The following BAZ2A variants were observed in gnomAD, a reference collection of about 807,000 sequenced individuals.
BAZ2A encodes bromodomain adjacent to zinc finger domain protein 2A.
In BAZ2A, 34 loss-of-function variants were observed where a neutral mutation model predicts 199.9. The observed-to-expected ratio is 0.17, with a 90% CI of 0.13 to 0.23. The LOEUF (loss-of-function observed/expected upper bound fraction) is 0.23. Ranked by LOEUF, BAZ2A falls within the 10% of genes least tolerant of loss-of-function variation. The pLI is 1.00. For missense variants in BAZ2A, 2,002 were observed against 2,391.1 expected (o/e 0.84, Z 3.39); for synonymous variants, 857 against 883.9 (o/e 0.97, Z 0.54).
chr12:56,621,688 GT>G (rs1168214359), intron 1 of BAZ2A, among the ~76,000 whole-genome samples: 12 of 146,146 alleles, frequency 8.2e-5, no homozygotes, highest in South Asian at 2.2e-4. Context: ...ATAAACGTTA[GT>G]TTTTTTTTTT....
chr12:56,624,149 A>G (rs1165970794), intron 1 of BAZ2A, among the ~76,000 whole-genome samples: 1 of 152,088 alleles, frequency 6.6e-6, no homozygotes, highest in Non-Finnish European at 1.5e-5. Context: ...TCCAATCACG[A>G]TAACCCATTC....
Position 56,610,096 on chromosome 12 carries a change from T to C in BAZ2A, c.1881+18A>G, listed in dbSNP as rs370208769. 1.7e-5 allele frequency: 27 copies of C among 1,612,608 alleles called. No individual in the cohort carries two copies. In the African/African-American group the frequency reaches 2.5e-4, roughly 15 times the overall value. ...TCTTCCTCAGGGACAAAAGCATATT[T>C]AACCCTTGGGTCTGCACCTCTGGCG... On this transcript the variant is annotated intron_variant, in intron 9 of 28. Transcript: ENST00000549884.
Position 56,597,207 on chromosome 12 carries a change from TC to T in BAZ2A, c.*1410del, listed in dbSNP as rs1885900960. ...GACCCAGAACCCCTCCTCCCTACTC[TC>T]CTGTGCTCCAGGGTCTCTGCTGCTG... On this transcript the variant is annotated 3_prime_UTR_variant, in exon 29 of 29. Transcript: ENST00000549884. The T allele has an allele frequency of 1.3e-5, 2 of 152,604 alleles. No homozygotes were observed. Among genetic ancestry groups the T allele is most frequent in the Non-Finnish European group, 1.5e-5 (1 of 68,116 alleles). 9.5% of individuals were successfully genotyped at this position (152,604 alleles called of 1,614,324 possible).
intron 7 of BAZ2A, 99 bp downstream of exon 7, chr12:56,611,474 T>C (rs931025702): frequency 2.4e-6 from 3 of 1,251,640 alleles, no homozygotes; most frequent in Non-Finnish European, 3.5e-6. Context: ...GTCTGGCCCA[T>C]TCCTCCCCCA....
At chr12:56,625,154 CTTTT>C (rs1002458672) in intron 1 of BAZ2A, among the ~76,000 whole-genome samples, 1 of 108,106 alleles carries the variant, frequency 9.3e-6, no homozygotes, top group Non-Finnish European at 1.8e-5. Flanking sequence ...CTTAGAATTT[CTTTT>C]TTTTTTTTTT....
intron 1 of BAZ2A, among the ~76,000 whole-genome samples, chr12:56,629,180 TC>T (rs1452279978): frequency 6.6e-6 from 1 of 152,156 alleles, no homozygotes; most frequent in Non-Finnish European, 1.5e-5. Flanking sequence ...AGCTGCCATT[TC>T]CCGGCCACTT....
At chr12:56,606,459 G>A (rs1364953284) in intron 11 of BAZ2A, 147 bp from the exon 12 acceptor site, 8 of 1,175,646 alleles carry the variant, frequency 6.8e-6, no homozygotes, top group Non-Finnish European at 8.7e-6. Context: ...TCACCCTAGA[G>A]ATGCCCACGT....
chr12:56,608,674 A>C (rs1950449013), intron 10 of BAZ2A, among the ~76,000 whole-genome samples: 2 of 151,752 alleles, frequency 1.3e-5, no homozygotes, highest in African/African-American at 4.8e-5. Context: ...GGTTCAAGCC[A>C]TTCTCCTGCC....
intron 14 of BAZ2A, 67 bp from the exon 15 acceptor site, chr12:56,604,866 A>T: frequency 6.5e-7 from 1 of 1,530,622 alleles, no homozygotes; most frequent in Non-Finnish European, 8.9e-7. Flanking sequence ...GTGAATGTGC[A>T]AGAGGAAAAT....
rs767450370 is a variant in BAZ2A, at chr12:56,599,220, C to A, written c.5311G>T (p.Ala1771Ser). The change falls in exon 27 of 29, where the codon GCA (alanine) becomes TCA (serine). Residue 1771 changes from alanine (A) to serine (S), a missense_variant. By Grantham distance (99) the Ala-to-Ser change is moderately conservative (BLOSUM62 1). Transcript: ENST00000549884. ...VLLRGRESPA[A>S]GPRYSEEGLS... is the part of the protein sequence containing the mutation. ...CCTTCTTCCGAGTACCGAGGCCCTG[C>A]TGCTGGGCTTTCTCGGCCCCTCAAC... The A allele has an allele frequency of 2.0e-5, 33 of 1,613,390 alleles. No homozygotes were observed. The highest frequency in any genetic ancestry group is 2.7e-5 in the Non-Finnish European group (32 of 1,179,740).
At chr12:56,617,367 C>T (rs557998562) in intron 2 of BAZ2A, 28 bp downstream of exon 2, 13 of 1,568,982 alleles carry the variant, frequency 8.3e-6, no homozygotes, top group South Asian at 8.3e-5. Context: ...CCCATTCCCT[C>T]CCCAGGCCAA....
intron 20 of BAZ2A, 24 bp downstream of exon 20, chr12:56,601,522 A>C: frequency 6.2e-7 from 1 of 1,608,032 alleles, no homozygotes; most frequent in Non-Finnish European, 8.5e-7. Context: ...AATCAAGTGC[A>C]TACTACTAAT....
chr12:56,614,387 G>C, intron 3 of BAZ2A: 1 of 425,402 alleles, frequency 2.4e-6, no homozygotes, highest in Non-Finnish European at 4.2e-6. Flanking sequence ...CATGTTCTCA[G>C]ATATCTCCTC....
At position 56,604,286 on chromosome 12, in the gene BAZ2A, A is replaced by G. The variant is rs1484846557; in HGVS notation, c.2969T>C (p.Ile990Thr). 1.2e-6 allele frequency: 2 copies of G among 1,607,550 alleles called. No individual in the cohort carries two copies. The highest frequency in any genetic ancestry group is 2.2e-5 in the South Asian group (2 of 89,758). The change falls in exon 16 of 29, where the codon ATT (isoleucine) becomes ACT (threonine). Residue 990 changes from isoleucine (I) to threonine (T), a missense_variant. By Grantham distance (89) the Ile-to-Thr change is moderately conservative. Transcript: ENST00000549884. ...LNGSTLIINE[I>T]DKTLESMSSY... ...GGACATACTCTCCAGAGTCTTGTCAATCTCACTGCAGGGGAATAGGGAATA... is the reference window on the plus strand; with the variant it reads ...GGACATACTCTCCAGAGTCTTGTCAGTCTCACTGCAGGGGAATAGGGAATA...
chr12:56,600,623 G>A (rs568612819), intron 23 of BAZ2A, 58 bp downstream of exon 23: 469 of 1,589,314 alleles, frequency 3.0e-4, no homozygotes, highest in Admixed American at 5.8e-4. Flanking sequence ...TTTCTAACAG[G>A]GCATAAGGGA....
intron 7 of BAZ2A, chr12:56,611,155 T>C (rs940251267): frequency 5.0e-5 from 11 of 218,972 alleles, no homozygotes; most frequent in African/African-American, 2.6e-4. Flanking sequence ...ATTTTGGTCA[T>C]GTACTGTTCC....
In BAZ2A at chr12:56,619,482, C is replaced by G. The variant is rs571849734; in HGVS notation, c.-2-1950G>C. On this transcript the variant is annotated intron_variant, in intron 1 of 28. Transcript: ENST00000549884. ...CATGATCATGCCACTGCACTCCAGC[C>G]TAGGTGACAGAGCATGACCCTGTCT... Among the ~76,000 whole-genome samples, 21 of 140,160 alleles carry G rather than the reference C, an allele frequency of 1.5e-4. 1 individual carries two copies. The South Asian group carries it at 3.9e-3, about 26-fold the overall frequency. The allele number at this position is 140,160 out of a possible 152,430, so 92.0% of individuals were successfully genotyped here.
chr12:56,600,115 G>C lies in BAZ2A; in HGVS notation c.4893-19C>G, dbSNP rs776122072. 1.9e-6 allele frequency: 3 copies of C among 1,613,620 alleles called. No homozygotes were observed. Among genetic ancestry groups the C allele is most frequent in the South Asian group, 1.1e-5 (1 of 91,072 alleles). ...ATATGATCTGGAGGGAGAAAGTGGT[G>C]ATCTTTGGAGAAGGAGCGGATCCAC... is the stretch of plus-strand genomic sequence containing the variant. On this transcript the variant is annotated intron_variant, in intron 24 of 28. Coordinates refer to ENST00000549884, the MANE Select transcript of BAZ2A (RefSeq NM_001300905.2).
chr12:56,629,410 G>A (rs948380289), intron 1 of BAZ2A, among the ~76,000 whole-genome samples: 2 of 152,126 alleles, frequency 1.3e-5, no homozygotes, highest in Admixed American at 6.5e-5. Context: ...CCCTCAGTGA[G>A]GAATCTCCTT....
Sources: gnomAD v4.1 joint callset for allele counts (sites outside exome capture counted in the v4.1 genomes callset) on GRCh38, gnomAD v4.1.1 for gene constraint, MANE v1.5 for transcripts, NCBI Gene and HGNC (gene_info 2026-07-23, HGNC 2026-07-21) for gene names.